MARS1: variants seen among roughly 807,000 people sequenced by gnomAD.
MARS1 encodes the protein methionine--tRNA ligase, cytoplasmic.
A neutral mutation model predicts 119.5 loss-of-function variants in MARS1; 80 were observed. The observed-to-expected ratio is 0.67, with a 90% CI of 0.56 to 0.81. The LOEUF (loss-of-function observed/expected upper bound fraction) is 0.81, where lower values mean the gene tolerates loss of function less well. Among genes scored for constraint, MARS1 ranks in the 30% least tolerant of loss-of-function variants. The pLI is 0.00. For synonymous variants in MARS1, 418 were observed against 433.4 expected (o/e 0.96, Z 0.44); for missense variants, 945 against 1,116.5 (o/e 0.85, Z 2.19).
At chr12:57,505,335 T>G (rs1877133708) in intron 11 of MARS1, among the ~76,000 whole-genome samples, 1 of 151,878 alleles carries the variant, frequency 6.6e-6, no homozygotes, top group Non-Finnish European at 1.5e-5. Flanking sequence ...CTAATTTTTG[T>G]ATTTTTAGTA....
chr12:57,502,099 A>G (rs1279729438), intron 10 of MARS1, among the ~76,000 whole-genome samples: 1 of 152,228 alleles, frequency 6.6e-6, no homozygotes, highest in African/African-American at 2.4e-5. Context: ...AGAAATGGAA[A>G]AGAAAAAATA....
chr12:57,516,574 A>C lies in MARS1; in HGVS notation c.2696A>C (p.Lys899Thr). The C allele has an allele frequency of 6.3e-7, 1 of 1,574,980 alleles. No individual in the cohort carries two copies. Among genetic ancestry groups the C allele is most frequent in the East Asian group, 2.2e-5 (1 of 44,732 alleles). Residue 899 changes from lysine to threonine, a missense_variant, in exon 21 of 21, where the codon AAA becomes ACA. Transcript: ENST00000262027. ...CCTGAAGCCCCTAAAGGCAAGAAGA[A>C]AAAGTAAAAGACCTTGGCTCATAGA... ...KPPEAPKGKK[K>T]K
At chr12:57,491,101 G>C (rs1875930495) in intron 7 of MARS1, among the ~76,000 whole-genome samples, 1 of 152,030 alleles carries the variant, frequency 6.6e-6, no homozygotes, top group South Asian at 2.1e-4. Context: ...TCGAACTCCT[G>C]ACCTCAGGTG....
chr12:57,498,605 C>T lies in MARS1; in HGVS notation c.1073C>T (p.Thr358Ile). 3.1e-6 allele frequency: 5 copies of T among 1,614,134 alleles called. No individual in the cohort carries two copies. Among genetic ancestry groups the T allele is most frequent in the Non-Finnish European group, 4.2e-6 (5 of 1,180,006 alleles). Residue 358 changes from threonine to isoleucine, a missense_variant, in exon 9 of 21, where the codon ACC becomes ATC. Coordinates refer to ENST00000262027, the MANE Select transcript of MARS1 (RefSeq NM_004990.4). Reference protein sequence around the residue: ...NISFDIFGRTTTPQQTKITQD... With the variant: ...NISFDIFGRTITPQQTKITQD... The stretch of plus-strand genomic sequence containing the variant: ...TCGTTTGATATTTTTGGTCGCACCA[C>T]CACTCCACAGCAGACCAAGTAAGTT...
rs971095672 is a variant in MARS1 at position 57,488,259 on chromosome 12, T to A, written c.109+60T>A. 2.7e-6 allele frequency: 4 copies of A among 1,498,136 alleles called. No individual in the cohort carries two copies. In the African/African-American group the frequency reaches 4.1e-5, roughly 15 times the overall value. 92.8% of individuals were successfully genotyped at this position (1,498,136 alleles called of 1,614,324 possible). ...GGGGCGGGACCGAAACACGCCAGAT[T>A]CTCTGCAGCTGTCTTTGCCAAACCC... On this transcript the variant is annotated intron_variant, in intron 1 of 20. Coordinates refer to ENST00000262027, the MANE Select transcript of MARS1 (RefSeq NM_004990.4).
intron 19 of MARS1, 56 bp from the exon 20 acceptor site, chr12:57,516,189 A>C (rs1877813774): frequency 6.5e-7 from 1 of 1,528,144 alleles, no homozygotes; most frequent in African/African-American, 1.4e-5. Flanking sequence ...ATGCTGTATA[A>C]AACTGGAGGT....
At chr12:57,504,559 T>TC (rs924979121) in intron 11 of MARS1, among the ~76,000 whole-genome samples, 3 of 150,734 alleles carry the variant, frequency 2.0e-5, no homozygotes, top group African/African-American at 7.3e-5. Flanking sequence ...TATGTCTCTC[T>TC]TTTTTTTTAA....
Position 57,488,329 on chromosome 12 carries a change from C to T in MARS1, c.109+130C>T, listed in dbSNP as rs1437199483. ...CCAATCGACCACTTCTCCTATTATC[C>T]TTGATCACTCCACGCCTTCTTCCCT... On this transcript the variant is annotated intron_variant, in intron 1 of 20. Transcript: ENST00000262027. The T allele has an allele frequency of 4.7e-6, 4 of 844,876 alleles. No individual in the cohort carries two copies. The Admixed American group carries it at 9.9e-5, about 21-fold the overall frequency. The allele number at this position is 844,876 out of a possible 1,614,324, so 52.3% of individuals were successfully genotyped here.
At chr12:57,510,454 C>T (rs1227120887) in intron 11 of MARS1, among the ~76,000 whole-genome samples, 1 of 151,482 alleles carries the variant, frequency 6.6e-6, no homozygotes, top group Non-Finnish European at 1.5e-5. Context: ...GCCCGGGCAG[C>T]TGAGCAAGAC....
rs765580781 is a variant in MARS1, at chr12:57,490,625, C to T, written c.751C>T (p.Arg251Trp). Residue 251 changes from arginine to tryptophan, a missense_variant, in exon 7 of 21, where the codon CGG becomes TGG. Arg to Trp is a moderately radical substitution (Grantham distance 101, BLOSUM62 -3). Transcript: ENST00000262027. Reference sequence around the variant, plus strand: ...GGGCCTAGAAAGTTTGCCCCCGCTGCGGCCCCAGCAGAATCCAGTGTGAGT... The same window carrying T: ...GGGCCTAGAAAGTTTGCCCCCGCTGTGGCCCCAGCAGAATCCAGTGTGAGT... ...EKGLESLPPLRPQQNPVLPVA... is the reference protein window; with the variant it reads ...EKGLESLPPLWPQQNPVLPVA... The T allele has an allele frequency of 3.0e-5, 49 of 1,613,876 alleles. No individual in the cohort carries two copies. The highest frequency in any genetic ancestry group is 1.3e-4 in the East Asian group (6 of 44,878).
intron 18 of MARS1, 47 bp downstream of exon 18, chr12:57,515,383 C>A: frequency 6.3e-7 from 1 of 1,577,718 alleles, no homozygotes; most frequent in Non-Finnish European, 8.6e-7. Context: ...TCTTGCCATG[C>A]AGCTTTTGGA....
Position 57,514,994 on chromosome 12 carries a change from C to G in MARS1, c.2140C>G (p.His714Asp), listed in dbSNP as rs1565652083. The G allele has an allele frequency of 6.2e-7, 1 of 1,614,078 alleles. No individual in the cohort carries two copies. Among genetic ancestry groups the G allele is most frequent in the Non-Finnish European group, 8.5e-7 (1 of 1,180,048 alleles). ...GCGCAGTATCCTCACCATATCTCGA[C>G]ATGGCAACCAATATATTCAGGTGAA... ...ALRSILTISR[H>D]GNQYIQVNEP... The change falls in exon 17 of 21, where the codon CAT becomes GAT. Residue 714 changes from histidine (H) to aspartate (D), a missense_variant. Transcript: ENST00000262027.
chr12:57,507,004 C>T (rs550830804), intron 11 of MARS1, among the ~76,000 whole-genome samples: 239 of 150,086 alleles, frequency 1.6e-3, no homozygotes, highest in African/African-American at 3.4e-3. Context: ...TGCGGCCTTC[C>T]GCAGTGTTTG....
chr12:57,489,396 A>G (rs1450376339), intron 3 of MARS1, 28 bp from the exon 4 acceptor site: 4 of 1,614,006 alleles, frequency 2.5e-6, no homozygotes, highest in Admixed American at 3.3e-5. Context: ...CTGCGTGGCC[A>G]TCCTGACTCA....
rs374958979 is a variant in MARS1 at position 57,503,690 on chromosome 12, C to T, written c.1294-535C>T. 6.0e-4 allele frequency among the ~76,000 whole-genome samples: 92 copies of T among 152,098 alleles called. No homozygotes were observed. The South Asian group carries it at 0.018, about 30-fold the overall frequency. On this transcript the variant is annotated intron_variant, in intron 10 of 20. Transcript: ENST00000262027. ...CCAAGTAGCTGGGACTACAGGTGCA[C>T]GCCACCATGCCCAGCTAATTTTTGT...
In MARS1 at chr12:57,489,468, G is replaced by A; in HGVS notation, c.324G>A (p.Lys108=). The A allele has an allele frequency of 6.2e-7, 1 of 1,614,194 alleles. No homozygotes were observed. The highest frequency in any genetic ancestry group is 1.1e-5 in the South Asian group (1 of 91,084). Residue 108 remains lysine (K), a synonymous_variant, in exon 4 of 21, where the codon AAG becomes AAA. Coordinates refer to ENST00000262027, the MANE Select transcript of MARS1 (RefSeq NM_004990.4). ...TGTACTATTTAGTGGTCCAAGGCAA[G>A]AAGGGGGAAGATGTTCTTGGTTCAG... ...AALYYLVVQG[K]KGEDVLGSVR... is the part of the protein sequence containing the mutation.
At chr12:57,509,302 G>A (rs1354135725) in intron 11 of MARS1, among the ~76,000 whole-genome samples, 1 of 152,116 alleles carries the variant, frequency 6.6e-6, no homozygotes, top group East Asian at 1.9e-4. Flanking sequence ...TAATTTAGTA[G>A]GGAACAGTAT....
chr12:57,491,692 T>A (rs1248484167), intron 7 of MARS1, among the ~76,000 whole-genome samples: 1 of 152,204 alleles, frequency 6.6e-6, no homozygotes, highest in Non-Finnish European at 1.5e-5. Flanking sequence ...TTTGTGTAAT[T>A]CACAAGGCCC....
chr12:57,500,662 C>T (rs1014744934), intron 10 of MARS1, 140 bp downstream of exon 10: 60 of 725,538 alleles, frequency 8.3e-5, no homozygotes, highest in Non-Finnish European at 1.2e-4. Context: ...CTCAGCAACT[C>T]GTCATTTAGT....
Sources: allele counts gnomAD v4.1 joint callset (sites outside exome capture counted in the v4.1 genomes callset), GRCh38; gene constraint gnomAD v4.1.1; transcripts MANE v1.5; gene names NCBI Gene and HGNC (gene_info 2026-07-23, HGNC 2026-07-21).